The following FGF10 variants were observed in gnomAD, a reference collection of about 807,000 sequenced individuals.
The protein encoded by FGF10 is FGF-10.
In FGF10, 2 loss-of-function variants were observed where a neutral mutation model predicts 19.8. That is an observed-to-expected ratio of 0.10 (90% CI 0.04 to 0.32). The LOEUF is 0.32. Among genes scored for constraint, FGF10 ranks in the 10% least tolerant of loss-of-function variants. The pLI is 1.00. For missense variants in FGF10, 191 were observed against 246.3 expected, an observed-to-expected ratio of 0.78 and a Z score of 1.50; for synonymous variants, 112 against 94.0, an observed-to-expected ratio of 1.19 and a Z score of -1.10.
chr5:44,330,769 G>A (rs1397114296), intron 1 of FGF10, among the ~76,000 whole-genome samples: 1 of 152,124 alleles, frequency 6.6e-6, no homozygotes, highest in Non-Finnish European at 1.5e-5. Flanking sequence ...CATAGCTTAT[G>A]TAAGCAATAT....
intron 1 of FGF10, among the ~76,000 whole-genome samples, chr5:44,340,521 G>T (rs866142690): frequency 3.3e-5 from 5 of 152,074 alleles, no homozygotes; most frequent in Admixed American, 6.6e-5. Context: ...ATAGGACACA[G>T]ATAAATGTTT....
At chr5:44,351,809 G>T (rs1741239669) in intron 1 of FGF10, among the ~76,000 whole-genome samples, 1 of 151,520 alleles carries the variant, frequency 6.6e-6, no homozygotes, top group South Asian at 2.1e-4. Flanking sequence ...AATAATTTTT[G>T]CCAAAAGATA....
At chr5:44,359,816 T>G (rs1289298483) in intron 1 of FGF10, among the ~76,000 whole-genome samples, 1 of 151,490 alleles carries the variant, frequency 6.6e-6, no homozygotes, top group South Asian at 2.1e-4. Context: ...ATACCCATTA[T>G]GTAATTTCTC....
intron 1 of FGF10, among the ~76,000 whole-genome samples, chr5:44,342,525 AC>A (rs1322660578): frequency 1.3e-5 from 2 of 149,518 alleles, no homozygotes; most frequent in African/African-American, 2.4e-5. Context: ...AAAAAAAAAA[AC>A]TAACCAGAAT....
intron 1 of FGF10, among the ~76,000 whole-genome samples, chr5:44,347,103 G>C (rs1741106488): frequency 1.3e-5 from 2 of 151,690 alleles, no homozygotes; most frequent in Non-Finnish European, 2.9e-5. Flanking sequence ...CAAGAACATA[G>C]TAAATACTCA....
intron 1 of FGF10, among the ~76,000 whole-genome samples, chr5:44,325,022 A>T (rs1032763440): frequency 2.6e-5 from 4 of 152,168 alleles, no homozygotes; most frequent in Non-Finnish European, 5.9e-5. Flanking sequence ...TTATATAAGG[A>T]TCTTATAAAT....
intron 1 of FGF10, among the ~76,000 whole-genome samples, chr5:44,342,360 AAAC>A (rs1740989281): frequency 6.6e-6 from 1 of 152,006 alleles, no homozygotes; most frequent in Admixed American, 6.6e-5. Context: ...TCAAAGGACA[AAAC>A]AATTTGTGAA....
intron 1 of FGF10, among the ~76,000 whole-genome samples, chr5:44,313,586 A>AG (rs1454660755): frequency 1.8e-5 from 2 of 108,450 alleles, no homozygotes; most frequent in East Asian, 4.6e-4. Context: ...CTATAAAAAA[A>AG]GGTTTTTTTT....
At chr5:44,342,639 G>GA (rs1740996153) in intron 1 of FGF10, among the ~76,000 whole-genome samples, 1 of 151,962 alleles carries the variant, frequency 6.6e-6, no homozygotes, top group Middle Eastern at 3.4e-3. Flanking sequence ...TAAAGGGAAT[G>GA]AAAATATTTA....
intron 1 of FGF10, among the ~76,000 whole-genome samples, chr5:44,364,141 G>GA (rs1375299418): frequency 1.3e-5 from 2 of 151,544 alleles, no homozygotes; most frequent in South Asian, 2.1e-4. Context: ...AAATTTCTAA[G>GA]AAAAAAAGAA....
At chr5:44,340,592 T>C (rs1045500782) in intron 1 of FGF10, among the ~76,000 whole-genome samples, 5 of 152,070 alleles carry the variant, frequency 3.3e-5, no homozygotes, top group African/African-American at 1.2e-4. Context: ...TTCATTATTC[T>C]GACAATACTG....
At chr5:44,342,604 A>G (rs1740995348) in intron 1 of FGF10, among the ~76,000 whole-genome samples, 1 of 151,966 alleles carries the variant, frequency 6.6e-6, no homozygotes, top group African/African-American at 2.4e-5. Context: ...AACCACAGGC[A>G]GGAGGAAGAC....
At chr5:44,323,532 T>C (rs901026106) in intron 1 of FGF10, among the ~76,000 whole-genome samples, 3 of 152,216 alleles carry the variant, frequency 2.0e-5, no homozygotes, top group Admixed American at 6.6e-5. Context: ...CATTCTTTAG[T>C]AAGATGCAAC....
At position 44,308,064 on chromosome 5, in the gene FGF10, A is replaced by G. The variant is rs187429074; in HGVS notation, c.429+2363T>C. 3.3e-5 allele frequency among the ~76,000 whole-genome samples: 5 copies of G among 152,334 alleles called. No homozygotes were observed. The East Asian group carries it at 5.8e-4, about 18-fold the overall frequency. ...TCCAAGGTCACAATCTATTGGGAGA[A>G]GACAGTGAACAACAAACACATTAAT... On this transcript the variant is annotated intron_variant, in intron 2 of 2. Coordinates refer to ENST00000264664, the MANE Select transcript of FGF10 (RefSeq NM_004465.2).
chr5:44,371,699 A>G (rs1741745131), intron 1 of FGF10, among the ~76,000 whole-genome samples: 1 of 152,174 alleles, frequency 6.6e-6, no homozygotes, highest in Non-Finnish European at 1.5e-5. Context: ...TTGTAAGCAA[A>G]TAAACTATAT....
In FGF10 at chr5:44,389,035, C is replaced by T; in HGVS notation, c.-353G>A. 2.6e-6 allele frequency: 1 copy of T among 386,666 alleles called. No individual in the cohort carries two copies. Among genetic ancestry groups the T allele is most frequent in the Non-Finnish European group, 4.9e-6 (1 of 203,436 alleles). 24.0% of individuals were successfully genotyped at this position (386,666 alleles called of 1,614,324 possible). ...GTTCTCTTCTTTACTCCTTTCTTCA[C>T]CATGTTAGATGCCAAAAAGGTCTGA... On this transcript the variant is annotated 5_prime_UTR_variant, in exon 1 of 3. It adds an upstream start codon to the 5' untranslated region. Coordinates refer to ENST00000264664, the MANE Select transcript of FGF10 (RefSeq NM_004465.2).
chr5:44,339,073 G>A (rs73752003), intron 1 of FGF10, among the ~76,000 whole-genome samples: 2,802 of 152,134 alleles, frequency 0.018, 78 homozygotes, highest in African/African-American at 0.062. Flanking sequence ...TTCTAAAAGC[G>A]ATCAAAGCAC....
chr5:44,310,610 GAGTT>G, intron 1 of FGF10, 80 bp from the exon 2 acceptor site: 2 of 1,086,826 alleles, frequency 1.8e-6, no homozygotes, highest in Non-Finnish European at 2.7e-6. Flanking sequence ...AGAAACTATT[GAGTT>G]GTTTTTTGTG....
At chr5:44,371,228 C>G (rs1164777345) in intron 1 of FGF10, among the ~76,000 whole-genome samples, 4 of 152,162 alleles carry the variant, frequency 2.6e-5, no homozygotes, top group East Asian at 3.9e-4. Context: ...GGAACCTGAA[C>G]TACCACACTC....
Sources: gnomAD v4.1 joint callset for allele counts (sites outside exome capture counted in the v4.1 genomes callset) on GRCh38, gnomAD v4.1.1 for gene constraint, MANE v1.5 for transcripts, NCBI Gene and HGNC (gene_info 2026-07-23, HGNC 2026-07-21) for gene names.